The following CCDC178 variants were observed in gnomAD, a reference collection of about 807,000 sequenced individuals.
The protein encoded by CCDC178 is coiled-coil domain containing 178.
A neutral mutation model predicts 117.4 loss-of-function variants in CCDC178; 126 were observed. The observed-to-expected ratio is 1.07, with a 90% CI of 0.93 to 1.24. The LOEUF is 1.24. CCDC178 is among the 50% of genes most tolerant of loss of function. CCDC178 has a pLI of 0.00. For synonymous variants in CCDC178, 283 were observed against 313.4 expected, an observed-to-expected ratio of 0.90 and a Z score of 1.02; for missense variants, 1,030 against 986.9, an observed-to-expected ratio of 1.04 and a Z score of -0.59.
At chr18:33,367,891 T>C (rs2063236165) in intron 6 of CCDC178, among the ~76,000 whole-genome samples, 1 of 152,000 alleles carries the variant, frequency 6.6e-6, no homozygotes. Context: ...TCATAATGAA[T>C]CTCCTTTCAG....
At chr18:33,235,537 G>A (rs2059417264) in intron 15 of CCDC178, among the ~76,000 whole-genome samples, 1 of 152,074 alleles carries the variant, frequency 6.6e-6, no homozygotes, top group Non-Finnish European at 1.5e-5. Context: ...CATAAAATAG[G>A]CTTGAAGAAA....
intron 21 of CCDC178, among the ~76,000 whole-genome samples, chr18:33,024,853 G>A (rs925271576): frequency 4.0e-5 from 6 of 149,414 alleles, no homozygotes; most frequent in South Asian, 2.1e-4. Flanking sequence ...GGGTTTCACC[G>A]TGTTACCCAG....
chr18:33,007,562 C>A (rs1234354344), intron 21 of CCDC178, among the ~76,000 whole-genome samples: 1 of 152,018 alleles, frequency 6.6e-6, no homozygotes, highest in Non-Finnish European at 1.5e-5. Flanking sequence ...GACCCAAAGT[C>A]AAGGAAACAG....
At chr18:33,342,302 T>C (rs925298245) in intron 9 of CCDC178, among the ~76,000 whole-genome samples, 1 of 152,224 alleles carries the variant, frequency 6.6e-6, no homozygotes, top group African/African-American at 2.4e-5. Flanking sequence ...ATGAGATTAC[T>C]ATGAAATATG....
intron 21 of CCDC178, among the ~76,000 whole-genome samples, chr18:33,079,691 G>C (rs1384741290): frequency 6.6e-6 from 1 of 152,144 alleles, no homozygotes; most frequent in African/African-American, 2.4e-5. Context: ...CAATATCACT[G>C]ATCATCAGAG....
chr18:33,313,979 T>C (rs978458551), intron 11 of CCDC178, among the ~76,000 whole-genome samples: 5 of 151,568 alleles, frequency 3.3e-5, no homozygotes, highest in African/African-American at 1.2e-4. Flanking sequence ...GGCGGGCGGA[T>C]CACGAGGTCA....
chr18:33,373,586 G>A (rs938214237), intron 5 of CCDC178, among the ~76,000 whole-genome samples: 15 of 152,008 alleles, frequency 9.9e-5, no homozygotes, highest in South Asian at 4.1e-4. Context: ...TTGCCTGTGC[G>A]GAATACTCAG....
chr18:32,944,022 G>A lies in CCDC178; in HGVS notation c.2524-5931C>T, dbSNP rs938456226. 8.5e-5 allele frequency among the ~76,000 whole-genome samples: 13 copies of A among 152,150 alleles called. No individual in the cohort carries two copies. In the South Asian group the frequency reaches 2.1e-3, roughly 24 times the overall value. The stretch of plus-strand genomic sequence containing the variant: ...CTGTTATTTCTGAGGCATTGTTCCC[G>A]GCACAGTGGAAGATATTGTGGCTTA... On this transcript the variant is annotated intron_variant, in intron 22 of 22. Transcript: ENST00000383096.
intron 20 of CCDC178, among the ~76,000 whole-genome samples, chr18:33,101,031 G>A (rs776968482): frequency 7.2e-5 from 11 of 151,750 alleles, no homozygotes; most frequent in Admixed American, 1.3e-4. Context: ...AGAATAATCC[G>A]TGGCACAATT....
chr18:33,270,275 A>G (rs1312126721), intron 12 of CCDC178, among the ~76,000 whole-genome samples: 1 of 151,678 alleles, frequency 6.6e-6, no homozygotes, highest in East Asian at 1.9e-4. Flanking sequence ...TACATACAAA[A>G]GTAAAAGTAG....
At position 33,162,297 on chromosome 18, in the gene CCDC178, C is replaced by T. The variant is rs542848381; in HGVS notation, c.2238+49599G>A. ...TGTATACATATGTAACTAACCTGCACGTTGTGCACATGTACCCTAAAACTT... is the reference window on the plus strand; with the variant it reads ...TGTATACATATGTAACTAACCTGCATGTTGTGCACATGTACCCTAAAACTT... On this transcript the variant is annotated intron_variant, in intron 20 of 22. Transcript: ENST00000383096. 2.6e-5 allele frequency among the ~76,000 whole-genome samples: 4 copies of T among 152,090 alleles called. No individual in the cohort carries two copies. In the East Asian group the frequency reaches 5.8e-4, roughly 22 times the overall value.
In CCDC178 at chr18:33,226,847, TTC is replaced by T; in HGVS notation, c.1600_1601del (p.Glu534ArgfsTer10). On this transcript the variant is annotated frameshift_variant, in exon 16 of 23. Transcript: ENST00000383096. LOFTEE classifies it high-confidence loss of function. ...AEVRRKFKGREEFLKKLTQGE... is the reference protein window; with the variant it reads ...AEVRRKFKGRXEFLKKLTQGE... ...CTTGAGTGAGTTTTTTCAGGAATTC[TTC>T]TCTACCCTATATGTTAGGAAATTTT... 1 of 1,592,346 alleles carries T rather than the reference TTC, an allele frequency of 6.3e-7. No individual in the cohort carries two copies. The highest frequency in any genetic ancestry group is 8.6e-7 in the Non-Finnish European group (1 of 1,164,204).
rs67153629 is a variant in CCDC178, at chr18:33,331,026, C to CTTTTTTTT, written c.879+2140_879+2147dup. On this transcript the variant is annotated intron_variant, in intron 10 of 22. Transcript: ENST00000383096. ...CCTGATAAGCTTTACACAAACATTG[C>CTTTTTTTT]TTTTTTTTTTTTTTTTTTTTTTTTT... Among the ~76,000 whole-genome samples the CTTTTTTTT allele has an allele frequency of 1.6e-3, 73 of 45,050 alleles. 9 individuals are homozygous for CTTTTTTTT. Among genetic ancestry groups the CTTTTTTTT allele is most frequent in the African/African-American group, 2.7e-3 (21 of 7,852 alleles). The allele number at this position is 45,050 out of a possible 152,430, so 29.6% of individuals were successfully genotyped here.
chr18:33,282,883 C>A (rs1452712576), intron 12 of CCDC178, among the ~76,000 whole-genome samples: 3 of 152,144 alleles, frequency 2.0e-5, no homozygotes, highest in Non-Finnish European at 4.4e-5. Context: ...TCCTGCCACA[C>A]CCTGAGTGAT....
At chr18:33,342,197 G>A (rs2062825642) in intron 9 of CCDC178, among the ~76,000 whole-genome samples, 1 of 152,054 alleles carries the variant, frequency 6.6e-6, no homozygotes. Context: ...ATAGTTATAA[G>A]AAACAAGATA....
chr18:33,119,930 C>G (rs1211847260), intron 20 of CCDC178, among the ~76,000 whole-genome samples: 1 of 151,760 alleles, frequency 6.6e-6, no homozygotes, highest in Admixed American at 6.6e-5. Context: ...CAAACTATCA[C>G]AAGGACAAAA....
chr18:33,254,839 T>A lies in CCDC178; in HGVS notation c.1410-9411A>T, dbSNP rs577981790. Among the ~76,000 whole-genome samples the A allele has an allele frequency of 2.4e-4, 36 of 152,170 alleles. No homozygotes were observed. In the South Asian group the frequency reaches 7.5e-3, roughly 32 times the overall value. ...GAGTTCAGATGCATAAGCATTTTAA[T>A]AGGCTAGAACATAAGGATTGCTAGG... On this transcript the variant is annotated intron_variant, in intron 14 of 22. Coordinates refer to ENST00000383096, the MANE Select transcript of CCDC178 (RefSeq NM_001105528.4).
intron 20 of CCDC178, among the ~76,000 whole-genome samples, chr18:33,140,249 C>T (rs911428673): frequency 6.6e-6 from 1 of 152,042 alleles, no homozygotes; most frequent in African/African-American, 2.4e-5. Flanking sequence ...GGGTCAGAGC[C>T]CCCACAATGA....
intron 12 of CCDC178, among the ~76,000 whole-genome samples, chr18:33,280,194 A>T (rs1428277617): frequency 6.6e-6 from 1 of 152,126 alleles, no homozygotes; most frequent in East Asian, 1.9e-4. Context: ...AATTTTCGCA[A>T]CCTATTCATC....
Sources: allele counts gnomAD v4.1 joint callset (sites outside exome capture counted in the v4.1 genomes callset), GRCh38; gene constraint gnomAD v4.1.1; transcripts MANE v1.5; gene names NCBI Gene and HGNC (gene_info 2026-07-23, HGNC 2026-07-21).